FAM227A: variants seen among roughly 807,000 people sequenced by gnomAD.
The protein encoded by FAM227A is family with sequence similarity 227 member A.
FAM227A carries 80 observed loss-of-function variants against 74.7 expected under a neutral mutation model. The ratio of observed to expected loss-of-function variants is 1.07; its 90% CI spans 0.89 to 1.29. The LOEUF (loss-of-function observed/expected upper bound fraction) is 1.29. Ranked by LOEUF, FAM227A falls within the 50% of genes most tolerant of loss-of-function variation. FAM227A has a pLI of 0.00. For missense variants in FAM227A, 654 were observed against 683.4 expected (o/e 0.96, Z 0.48); for synonymous variants, 237 against 241.8 (o/e 0.98, Z 0.19).
intron 16 of FAM227A, among the ~76,000 whole-genome samples, chr22:38,589,489 T>G (rs2090886464): frequency 6.6e-6 from 1 of 152,194 alleles, no homozygotes; most frequent in African/African-American, 2.4e-5. Flanking sequence ...AAGGAAATTT[T>G]CTAAGAAATA....
At chr22:38,605,811 G>A (rs191436020) in intron 12 of FAM227A, among the ~76,000 whole-genome samples, 4 of 152,284 alleles carry the variant, frequency 2.6e-5, no homozygotes, top group African/African-American at 9.6e-5. Flanking sequence ...CTCTTGATCA[G>A]TGGTCCCCAA....
intron 6 of FAM227A, among the ~76,000 whole-genome samples, chr22:38,632,992 G>C (rs2074420264): frequency 6.6e-6 from 1 of 152,208 alleles, no homozygotes; most frequent in African/African-American, 2.4e-5. Flanking sequence ...GCGAGGGCTG[G>C]TGCGGAGCTG....
chr22:38,619,840 A>G (rs539833425), intron 11 of FAM227A, among the ~76,000 whole-genome samples: 1 of 152,246 alleles, frequency 6.6e-6, no homozygotes, highest in South Asian at 2.1e-4. Context: ...ATCAGAAGGA[A>G]CATCAATAGG....
intron 9 of FAM227A, among the ~76,000 whole-genome samples, chr22:38,624,794 G>A (rs556523461): frequency 8.0e-4 from 122 of 152,156 alleles, no homozygotes; most frequent in Non-Finnish European, 1.6e-3. Context: ...GGGGCATAAG[G>A]AAGTCTGCGT....
intron 6 of FAM227A, among the ~76,000 whole-genome samples, chr22:38,634,296 C>CTGTGTTGTTGA (rs2091964797): frequency 6.6e-6 from 1 of 151,014 alleles, no homozygotes; most frequent in Non-Finnish European, 1.5e-5. Flanking sequence ...AACAACACAG[C>CTGTGTTGTTGA]ATGAAATGTT....
intron 11 of FAM227A, among the ~76,000 whole-genome samples, chr22:38,613,978 G>A (rs991404209): frequency 6.6e-6 from 1 of 152,260 alleles, no homozygotes; most frequent in East Asian, 1.9e-4. Flanking sequence ...TTCAAGAGAT[G>A]CCTCAGTCCC....
chr22:38,588,402 T>G (rs2090854562), intron 16 of FAM227A, among the ~76,000 whole-genome samples: 1 of 149,706 alleles, frequency 6.7e-6, no homozygotes, highest in South Asian at 2.1e-4. Context: ...GTGGATCACC[T>G]GAGGTCAGGA....
chr22:38,622,550 T>C (rs984781455), intron 10 of FAM227A, among the ~76,000 whole-genome samples: 1 of 152,066 alleles, frequency 6.6e-6, no homozygotes, highest in Non-Finnish European at 1.5e-5. Context: ...GTGGATTTAG[T>C]GTGTACTTCA....
chr22:38,595,388 G>T (rs6519120), intron 15 of FAM227A, among the ~76,000 whole-genome samples: 44,651 of 151,950 alleles, frequency 0.29, 6,638 homozygotes, highest in East Asian at 0.36. Flanking sequence ...GAGTTATAGG[G>T]GCATGAAGGA....
chr22:38,643,769 CAAAT>C (rs993610636), intron 3 of FAM227A, among the ~76,000 whole-genome samples: 6 of 151,960 alleles, frequency 3.9e-5, no homozygotes, highest in Non-Finnish European at 7.4e-5. Flanking sequence ...GAGTAGTGGA[CAAAT>C]AAACCATGGT....
At chr22:38,594,657 G>A (rs5757161) in intron 15 of FAM227A, among the ~76,000 whole-genome samples, 58,566 of 151,976 alleles carry the variant, frequency 0.39, 11,763 homozygotes, top group African/African-American at 0.49. Context: ...GTGTCCCATA[G>A]TATTTTATAA....
Position 38,650,162 on chromosome 22 carries a change from G to T in FAM227A, c.7C>A (p.His3Asn), listed in dbSNP as rs2092303965. 4 of 1,551,200 alleles carry T rather than the reference G, an allele frequency of 2.6e-6. No individual in the cohort carries two copies. The highest frequency in any genetic ancestry group is 3.5e-6 in the Non-Finnish European group (4 of 1,146,824). MN[H>N]FRKMEVINLT... is the part of the protein sequence containing the mutation. The stretch of plus-strand genomic sequence containing the variant: ...TTGATGACCTCCATCTTCCTGAAGT[G>T]ATTCATTGTCCAATTTCTTGTAAAT... Residue 3 changes from histidine (H) to asparagine (N), a missense_variant, in exon 2 of 17, where the codon CAC becomes AAC. Coordinates refer to ENST00000535113, the MANE Select transcript of FAM227A (RefSeq NM_001013647.2).
rs1314076033 is a variant in FAM227A at position 38,623,273 on chromosome 22, T to C, written c.857A>G (p.Tyr286Cys). The change falls in exon 10 of 17, where the codon TAT (tyrosine) becomes TGT (cysteine). Residue 286 changes from tyrosine to cysteine, a missense_variant. Tyr to Cys is a radical substitution (Grantham distance 194). Coordinates refer to ENST00000535113, the MANE Select transcript of FAM227A (RefSeq NM_001013647.2). ...GCTGTCATAGCTCTGTGGGCTAGGA[T>C]AGGTGCCTAAGGGAGGAGTCAAGAG... ...NTMSLWISGT[Y>C]PSPQSYDSWD... 1.3e-6 allele frequency: 2 copies of C among 1,550,384 alleles called. No individual in the cohort carries two copies. Among genetic ancestry groups the C allele is most frequent in the Admixed American group, 2.0e-5 (1 of 50,964 alleles).
At chr22:38,604,520 G>A (rs1331125311) in intron 13 of FAM227A, among the ~76,000 whole-genome samples, 1 of 152,182 alleles carries the variant, frequency 6.6e-6, no homozygotes, top group Admixed American at 6.5e-5. Context: ...AAGGGGAGGA[G>A]GAGAGAATGA....
chr22:38,589,761 T>C (rs2090891165), intron 16 of FAM227A, among the ~76,000 whole-genome samples: 1 of 152,198 alleles, frequency 6.6e-6, no homozygotes, highest in Non-Finnish European at 1.5e-5. Flanking sequence ...TTCTGTAGAA[T>C]ATTGACTTTT....
Position 38,582,797 on chromosome 22 carries a change from T to G in FAM227A, c.*3328A>C. 1 of 1,542,202 alleles carries G rather than the reference T, an allele frequency of 6.5e-7. No individual in the cohort carries two copies. Among genetic ancestry groups the G allele is most frequent in the Non-Finnish European group, 8.8e-7 (1 of 1,140,870 alleles). The stretch of plus-strand genomic sequence containing the variant: ...GGCAATTCCAATCTACTATGGTAAC[T>G]GCTGCCATAATGGGATGGCACAGAA... On this transcript the variant is annotated 3_prime_UTR_variant, in exon 17 of 17. Transcript: ENST00000535113.
chr22:38,582,062 C>G lies in FAM227A; in HGVS notation c.*4063G>C. The G allele has an allele frequency of 3.1e-6, 1 of 326,886 alleles. No homozygotes were observed. The highest frequency in any genetic ancestry group is 5.6e-6 in the Non-Finnish European group (1 of 179,142). 20.2% of individuals were successfully genotyped at this position (326,886 alleles called of 1,614,324 possible). ...CTGGCCTGTTCGTTTTTTAACAAAG[C>G]TTTATCGAAGTATAATTGACATATG... On this transcript the variant is annotated 3_prime_UTR_variant, in exon 17 of 17. Transcript: ENST00000535113.
intron 6 of FAM227A, among the ~76,000 whole-genome samples, chr22:38,636,040 AAGAG>A (rs1008461556): frequency 6.6e-4 from 99 of 150,842 alleles, no homozygotes; most frequent in African/African-American, 1.9e-3. Flanking sequence ...GAGAAAGAGA[AAGAG>A]AGAGAAAGAA....
chr22:38,641,949 G>GTT (rs1491164664), intron 3 of FAM227A, among the ~76,000 whole-genome samples: 6 of 75,350 alleles, frequency 8.0e-5, no homozygotes, highest in African/African-American at 2.9e-4. Context: ...TCCCGAAAAG[G>GTT]TGTGTGTGTG....
Sources: gnomAD v4.1 joint callset for allele counts (sites outside exome capture counted in the v4.1 genomes callset) on GRCh38, gnomAD v4.1.1 for gene constraint, MANE v1.5 for transcripts, NCBI Gene and HGNC (gene_info 2026-07-23, HGNC 2026-07-21) for gene names.